The following ADD3 variants were observed in gnomAD, a reference collection of about 807,000 sequenced individuals.
ADD3 encodes the protein gamma-adducin.
Under a neutral mutation model 80.2 loss-of-function variants are expected in ADD3, and 25 were observed. The ratio of observed to expected loss-of-function variants is 0.31; its 90% CI spans 0.23 to 0.44. ADD3 has a LOEUF of 0.44. ADD3 is among the 20% of genes least tolerant of loss of function. The probability of loss-of-function intolerance (pLI) is 1.00; values close to 1 mark genes in which losing one functional copy is unlikely to be tolerated. For synonymous variants in ADD3, 284 were observed against 289.6 expected, an observed-to-expected ratio of 0.98 and a Z score of 0.20; for missense variants, 829 against 847.5, an observed-to-expected ratio of 0.98 and a Z score of 0.27.
chr10:110,015,683 A>AG (rs571028651), intron 1 of ADD3, among the ~76,000 whole-genome samples: 1 of 150,656 alleles, frequency 6.6e-6, no homozygotes, highest in African/African-American at 2.4e-5. Context: ...AGAATGTTTG[A>AG]TTTTTTTTTT....
chr10:110,119,737 A>G (rs1851219911), intron 8 of ADD3, 173 bp downstream of exon 8: 6 of 563,158 alleles, frequency 1.1e-5, no homozygotes, highest in Non-Finnish European at 1.6e-5. Context: ...AATTGAAAAT[A>G]GGAGTAAAGG....
intron 1 of ADD3, among the ~76,000 whole-genome samples, chr10:110,100,251 G>A (rs1848658509): frequency 6.6e-6 from 1 of 151,362 alleles, no homozygotes; most frequent in African/African-American, 2.4e-5. Context: ...TCGGGAGGCT[G>A]AGGCAGGAGA....
chr10:110,061,290 T>C (rs941985082), intron 1 of ADD3, among the ~76,000 whole-genome samples: 9 of 152,202 alleles, frequency 5.9e-5, no homozygotes, highest in African/African-American at 2.2e-4. Flanking sequence ...GAGGGACTTA[T>C]GGGATTGACT....
At chr10:110,072,634 T>G (rs557702164) in intron 1 of ADD3, among the ~76,000 whole-genome samples, 4 of 152,204 alleles carry the variant, frequency 2.6e-5, no homozygotes, top group Non-Finnish European at 5.9e-5. Flanking sequence ...TAGAATATAG[T>G]CAGAAATGCC....
chr10:110,119,413 A>G, intron 7 of ADD3, 53 bp from the exon 8 acceptor site: 1 of 1,613,340 alleles, frequency 6.2e-7, no homozygotes, highest in South Asian at 1.1e-5. Flanking sequence ...TGATGAAAAC[A>G]GTGTGAGCTA....
At chr10:110,122,499 TA>T (rs1194244574) in intron 9 of ADD3, among the ~76,000 whole-genome samples, 1 of 152,172 alleles carries the variant, frequency 6.6e-6, no homozygotes, top group East Asian at 1.9e-4. Context: ...AATATATTGT[TA>T]TTAACTGTAG....
chr10:110,047,906 ATAT>A (rs764379954), intron 1 of ADD3, among the ~76,000 whole-genome samples: 2 of 152,358 alleles, frequency 1.3e-5, no homozygotes, highest in African/African-American at 2.4e-5. Flanking sequence ...AGAAACAAAC[ATAT>A]TATTACTATA....
At chr10:110,058,537 A>G (rs1220966373) in intron 1 of ADD3, among the ~76,000 whole-genome samples, 2 of 152,190 alleles carry the variant, frequency 1.3e-5, no homozygotes, top group African/African-American at 4.8e-5. Context: ...CCACGGTGAT[A>G]GTACTTTGTG....
intron 1 of ADD3, among the ~76,000 whole-genome samples, chr10:110,015,576 A>G (rs778648456): frequency 1.3e-5 from 2 of 151,772 alleles, no homozygotes; most frequent in Admixed American, 6.6e-5. Context: ...GGGTTTTACC[A>G]TGTTAGCCCG....
At position 110,119,280 on chromosome 10, in the gene ADD3, TA is replaced by T; in HGVS notation, c.788del (p.Tyr263LeufsTer41). On this transcript the variant is annotated frameshift_variant, in exon 7 of 15. Transcript: ENST00000356080. LOFTEE classifies it high-confidence loss of function. The stretch of plus-strand genomic sequence containing the variant: ...TCTTCTTCTGGGAGATGTTGCCTAT[TA>T]TGACTACCAAGGGTCACTTGAAGAA... ...ESLLLGDVAY[Y>X]DYQGSLEEQE... is the part of the protein sequence containing the mutation. 6.2e-7 allele frequency: 1 copy of T among 1,614,154 alleles called. No individual in the cohort carries two copies. Among genetic ancestry groups the T allele is most frequent in the Non-Finnish European group, 8.5e-7 (1 of 1,180,006 alleles).
At chr10:110,048,950 C>A (rs779037947) in intron 1 of ADD3, among the ~76,000 whole-genome samples, 2 of 152,158 alleles carry the variant, frequency 1.3e-5, no homozygotes, top group Non-Finnish European at 2.9e-5. Context: ...TGTGCCAGCC[C>A]CTCCCATCAC....
chr10:110,113,306 C>T (rs1055079382), intron 3 of ADD3, among the ~76,000 whole-genome samples: 2 of 152,120 alleles, frequency 1.3e-5, no homozygotes, highest in Non-Finnish European at 2.9e-5. Flanking sequence ...CTTGCTCTGT[C>T]GCCGAGGCTG....
intron 1 of ADD3, among the ~76,000 whole-genome samples, chr10:110,094,212 C>T (rs779360699): frequency 5.9e-5 from 9 of 152,088 alleles, no homozygotes; most frequent in South Asian, 2.1e-4. Context: ...ATAAACATGG[C>T]GTGATGGGTC....
At chr10:110,127,494 G>C (rs530766030) in intron 12 of ADD3, among the ~76,000 whole-genome samples, 1 of 152,298 alleles carries the variant, frequency 6.6e-6, no homozygotes, top group Admixed American at 6.5e-5. Flanking sequence ...GCGTGCACCT[G>C]TAGTCCCAGC....
intron 1 of ADD3, among the ~76,000 whole-genome samples, chr10:110,091,679 C>T (rs968189751): frequency 1.3e-5 from 2 of 152,040 alleles, no homozygotes; most frequent in African/African-American, 4.8e-5. Flanking sequence ...AAACTATAAA[C>T]TCTAGGAGAA....
At chr10:110,092,782 A>G (rs983228078) in intron 1 of ADD3, among the ~76,000 whole-genome samples, 2 of 151,432 alleles carry the variant, frequency 1.3e-5, no homozygotes, top group Non-Finnish European at 2.9e-5. Context: ...TATTTTTTAA[A>G]CTGAAAAAAA....
rs533420307 is a variant in ADD3, at chr10:110,096,094, G to C, written c.-29-4531G>C. On this transcript the variant is annotated intron_variant, in intron 1 of 14. Transcript: ENST00000356080. The stretch of plus-strand genomic sequence containing the variant: ...GTTTTGCAATGTGTTGCCATTGGGA[G>C]AAACTGGGGAAAAGGGCATAAGGGA... 2.0e-5 allele frequency among the ~76,000 whole-genome samples: 3 copies of C among 152,194 alleles called. No individual in the cohort carries two copies. In the East Asian group the frequency reaches 5.8e-4, roughly 29 times the overall value.
At chr10:109,999,748 A>G (rs953098997) in intron 1 of ADD3, among the ~76,000 whole-genome samples, 3 of 152,166 alleles carry the variant, frequency 2.0e-5, no homozygotes, top group African/African-American at 7.2e-5. Context: ...ATATCTTAAT[A>G]ATTATTAAAA....
At chr10:110,056,311 T>TA (rs1288119881) in intron 1 of ADD3, among the ~76,000 whole-genome samples, 2 of 152,268 alleles carry the variant, frequency 1.3e-5, no homozygotes, top group South Asian at 2.1e-4. Context: ...TTTGTGTTCT[T>TA]ACATTGAATG....
Sources: gnomAD v4.1 joint callset for allele counts (sites outside exome capture counted in the v4.1 genomes callset) on GRCh38, gnomAD v4.1.1 for gene constraint, MANE v1.5 for transcripts, NCBI Gene and HGNC (gene_info 2026-07-23, HGNC 2026-07-21) for gene names.